Variants in RAMP1 observed in about 807,000 individuals in gnomAD.
RAMP1 encodes receptor activity-modifying protein 1.
In RAMP1, 7 loss-of-function variants were observed where a neutral mutation model predicts 8.2. The observed-to-expected ratio is 0.85, with a 90% CI of 0.49 to 1.60. The LOEUF (loss-of-function observed/expected upper bound fraction) is 1.60. Among genes scored for constraint, RAMP1 ranks in the 40% most tolerant of loss-of-function variants. The pLI is 0.00. For missense variants in RAMP1, 192 were observed against 202.4 expected, an observed-to-expected ratio of 0.95 and a Z score of 0.31; for synonymous variants, 92 against 84.7, an observed-to-expected ratio of 1.09 and a Z score of -0.47.
intron 1 of RAMP1, among the ~76,000 whole-genome samples, chr2:237,869,685 C>G (rs1033348033): frequency 1.3e-5 from 2 of 152,196 alleles, no homozygotes; most frequent in Admixed American, 1.3e-4. Flanking sequence ...GGGTTGCTTC[C>G]ACTTCTGGCT....
chr2:237,888,058 G>C (rs908487077), intron 2 of RAMP1, among the ~76,000 whole-genome samples: 11 of 151,990 alleles, frequency 7.2e-5, no homozygotes, highest in African/African-American at 1.7e-4. Flanking sequence ...TGTGGTTCTG[G>C]GGGGTTTTTT....
intron 2 of RAMP1, among the ~76,000 whole-genome samples, chr2:237,890,730 C>T (rs1339169624): frequency 6.6e-6 from 1 of 151,784 alleles, no homozygotes; most frequent in Non-Finnish European, 1.5e-5. Flanking sequence ...GCATAGTATT[C>T]CTTTACGTGT....
intron 1 of RAMP1, among the ~76,000 whole-genome samples, chr2:237,873,820 G>A (rs1238683937): frequency 6.6e-6 from 1 of 152,208 alleles, no homozygotes; most frequent in African/African-American, 2.4e-5. Flanking sequence ...AACCACATCA[G>A]GCTCGTTTAA....
chr2:237,879,061 A>C (rs942459386), intron 2 of RAMP1, among the ~76,000 whole-genome samples: 3 of 152,140 alleles, frequency 2.0e-5, no homozygotes, highest in Admixed American at 6.5e-5. Context: ...AAATGAGTTG[A>C]GTGGGAAGAG....
intron 2 of RAMP1, among the ~76,000 whole-genome samples, chr2:237,903,418 T>C (rs1170899992): frequency 6.6e-6 from 1 of 152,224 alleles, no homozygotes; most frequent in Non-Finnish European, 1.5e-5. Context: ...TATTGATACA[T>C]ATTGCCAAAT....
chr2:237,860,471 A>C (rs533418916), intron 1 of RAMP1, among the ~76,000 whole-genome samples: 1 of 152,194 alleles, frequency 6.6e-6, no homozygotes, highest in Non-Finnish European at 1.5e-5. Context: ...CCTCATGGCC[A>C]CAGGAACTGG....
chr2:237,871,332 A>G (rs1291680279), intron 1 of RAMP1, among the ~76,000 whole-genome samples: 2 of 152,218 alleles, frequency 1.3e-5, no homozygotes, highest in African/African-American at 4.8e-5. Context: ...AGAGGATGTC[A>G]AGTTTGACCT....
rs532125516 is a variant in RAMP1, at chr2:237,867,526, C to G, written c.52+7799C>G. On this transcript the variant is annotated intron_variant, in intron 1 of 2. Transcript: ENST00000254661. ...AGAGGGATGGAGAATGCATCTTCTT[C>G]CCGTGTGTAAAGTAAGCTTTTGTCC... 3.8e-4 allele frequency among the ~76,000 whole-genome samples: 58 copies of G among 152,158 alleles called. No individual in the cohort carries two copies. In the South Asian group the frequency reaches 0.012, roughly 31 times the overall value.
Position 237,862,728 on chromosome 2 carries a change from CTT to C in RAMP1, c.52+3003_52+3004del, listed in dbSNP as rs2062144367. On this transcript the variant is annotated intron_variant, in intron 1 of 2. Coordinates refer to ENST00000254661, the MANE Select transcript of RAMP1 (RefSeq NM_005855.4). The surrounding 1 kb of genome is among the most constrained non-coding windows in gnomAD (Gnocchi z 4.0). ...CCCCCAACTCAGGCCTAGAACCCCT[CTT>C]TCCTGACGGTCTTTGTGGTATGGTG... 6.6e-6 allele frequency among the ~76,000 whole-genome samples: 1 copy of C among 152,220 alleles called. No homozygotes were observed. Among genetic ancestry groups the C allele is most frequent in the Non-Finnish European group, 1.5e-5 (1 of 68,030 alleles).
chr2:237,901,012 G>A (rs781484123), intron 2 of RAMP1, among the ~76,000 whole-genome samples: 16 of 152,240 alleles, frequency 1.1e-4, no homozygotes, highest in African/African-American at 3.9e-4. Context: ...CTTGGGAGGT[G>A]TGTTTAAGTC....
intron 2 of RAMP1, among the ~76,000 whole-genome samples, chr2:237,883,421 C>T (rs2062392306): frequency 1.3e-5 from 2 of 152,156 alleles, no homozygotes; most frequent in Admixed American, 6.5e-5. Flanking sequence ...CTCCTAGTGC[C>T]GGCCCAGAAG....
chr2:237,895,281 TGGGGGGGTCATGGGCTCCCATCA>T (rs938071761), intron 2 of RAMP1, among the ~76,000 whole-genome samples: 12 of 152,006 alleles, frequency 7.9e-5, no homozygotes, highest in Non-Finnish European at 1.6e-4. Context: ...AGGGGTCCTG[TGGGGGGGTCATGGGCTCCCATCA>T]GAGAATGGCA....
In RAMP1 at chr2:237,877,882, G is replaced by A. The variant is rs1054409877; in HGVS notation, c.191+520G>A. On this transcript the variant is annotated intron_variant, in intron 2 of 2. Coordinates refer to ENST00000254661, the MANE Select transcript of RAMP1 (RefSeq NM_005855.4). This position sits in a 1 kb window ranked among gnomAD's most constrained non-coding sequence, Gnocchi z 4.4. ...AGCCGAACCCTTCCCCACCTGGCCC[G>A]ATCCTCCTGCCCAAGGGCCCTTCTT... is the stretch of plus-strand genomic sequence containing the variant. 14 of 899,900 alleles carry A rather than the reference G, an allele frequency of 1.6e-5. No individual in the cohort carries two copies. The Admixed American group carries it at 3.1e-4, about 20-fold the overall frequency. 55.7% of individuals were successfully genotyped at this position (899,900 alleles called of 1,614,324 possible). A position where few individuals can be genotyped will look rare whatever the true frequency, so the allele number is the denominator to read the frequency against.
chr2:237,893,183 G>A (rs1280647116), intron 2 of RAMP1, among the ~76,000 whole-genome samples: 1 of 152,242 alleles, frequency 6.6e-6, no homozygotes, highest in African/African-American at 2.4e-5. Context: ...GTTCTGTGAA[G>A]TTCCTGTAGC....
At chr2:237,890,737 G>C (rs968144900) in intron 2 of RAMP1, among the ~76,000 whole-genome samples, 1 of 151,750 alleles carries the variant, frequency 6.6e-6, no homozygotes, top group Non-Finnish European at 1.5e-5. Context: ...ATTCCTTTAC[G>C]TGTTTAATAT....
At chr2:237,875,706 CCT>C (rs545988360) in intron 1 of RAMP1, among the ~76,000 whole-genome samples, 187 of 152,292 alleles carry the variant, frequency 1.2e-3, no homozygotes, top group Middle Eastern at 6.8e-3. Context: ...CAGGGCTCAG[CCT>C]CTCTGGTCAG....
intron 1 of RAMP1, chr2:237,859,998 C>A (rs2062116990): frequency 7.7e-6 from 3 of 391,314 alleles, no homozygotes; most frequent in African/African-American, 2.1e-5. Context: ...TTCTGGAAAG[C>A]GTGGGGTGAG....
At chr2:237,889,761 G>A (rs559381649) in intron 2 of RAMP1, among the ~76,000 whole-genome samples, 1 of 152,018 alleles carries the variant, frequency 6.6e-6, no homozygotes, top group Non-Finnish European at 1.5e-5. Flanking sequence ...CCAAATAGCT[G>A]GAACTACAGG....
At chr2:237,872,158 C>T (rs1173660780) in intron 1 of RAMP1, among the ~76,000 whole-genome samples, 5 of 152,166 alleles carry the variant, frequency 3.3e-5, no homozygotes, top group African/African-American at 9.7e-5. Context: ...ATCGAGCCTG[C>T]GCTTAGATGG....
Sources: gnomAD v4.1 joint callset for allele counts (sites outside exome capture counted in the v4.1 genomes callset) on GRCh38, gnomAD v4.1.1 for gene constraint, Gnocchi (gnomAD v3.1) non-coding constraint, MANE v1.5 for transcripts, NCBI Gene and HGNC (gene_info 2026-07-23, HGNC 2026-07-21) for gene names.